SOX5: variants seen among roughly 807,000 people sequenced by gnomAD.
The protein encoded by SOX5 is transcription factor SOX-5.
SOX5 carries 9 observed loss-of-function variants against 92.0 expected under a neutral mutation model. The observed-to-expected ratio is 0.10, with a 90% confidence interval of 0.06 to 0.17. SOX5 has a LOEUF of 0.17. SOX5 is among the 10% of genes least tolerant of loss of function. SOX5 has a pLI of 1.00. For missense variants in SOX5, 642 were observed against 944.5 expected (o/e 0.68, Z 4.20); for synonymous variants, 344 against 336.3 (o/e 1.02, Z -0.25).
intron 4 of SOX5, among the ~76,000 whole-genome samples, chr12:23,959,329 T>C (rs920198738): frequency 2.0e-5 from 3 of 151,898 alleles, no homozygotes; most frequent in African/African-American, 7.2e-5. Flanking sequence ...ATAAAAAGAA[T>C]ATAGAGAAAA....
chr12:23,740,796 G>A lies in SOX5; in HGVS notation c.741+71C>T, dbSNP rs560215566. On this transcript the variant is annotated intron_variant, in intron 5 of 14. Coordinates refer to ENST00000451604, the MANE Select transcript of SOX5 (RefSeq NM_006940.6). Reference sequence around the variant, plus strand: ...ACTCTTATTCATTGTTGTGTGCCTAGGACAGTGACCTATAAGTAGCAGGCA... The same window carrying A: ...ACTCTTATTCATTGTTGTGTGCCTAAGACAGTGACCTATAAGTAGCAGGCA... 7.1e-5 allele frequency: 92 copies of A among 1,295,620 alleles called. 3 individuals are homozygous for A. The South Asian group carries it at 1.0e-3, about 14-fold the overall frequency. The allele number at this position is 1,295,620 out of a possible 1,614,324, so 80.3% of individuals were successfully genotyped here.
chr12:24,172,153 A>G (rs959718727), intron 4 of SOX5, among the ~76,000 whole-genome samples: 1 of 152,074 alleles, frequency 6.6e-6, no homozygotes, highest in African/African-American at 2.4e-5. Context: ...GTAGTGACAA[A>G]TTCCGTAAAC....
At chr12:24,493,427 T>C (rs1947291683) in intron 1 of SOX5, among the ~76,000 whole-genome samples, 1 of 152,186 alleles carries the variant, frequency 6.6e-6, no homozygotes, top group Non-Finnish European at 1.5e-5. Flanking sequence ...TTAATACTAA[T>C]GTATTAAAAC....
chr12:24,453,693 G>C (rs1279439690), intron 1 of SOX5, among the ~76,000 whole-genome samples: 1 of 152,162 alleles, frequency 6.6e-6, no homozygotes, highest in Non-Finnish European at 1.5e-5. Flanking sequence ...CCTACATCCA[G>C]CAGCTAGGAA....
At chr12:24,423,366 T>C (rs1596481747) in intron 1 of SOX5, among the ~76,000 whole-genome samples, 1 of 152,232 alleles carries the variant, frequency 6.6e-6, no homozygotes, top group Non-Finnish European at 1.5e-5. Context: ...ATGAAATTTG[T>C]CTTTTGTGAT....
At chr12:24,082,130 C>A (rs1436036287) in intron 4 of SOX5, among the ~76,000 whole-genome samples, 2 of 151,756 alleles carry the variant, frequency 1.3e-5, no homozygotes, top group Non-Finnish European at 2.9e-5. Context: ...AGACTAAATG[C>A]AGAATTAAAT....
At chr12:24,204,675 C>T (rs766349999) in intron 4 of SOX5, among the ~76,000 whole-genome samples, 14 of 152,160 alleles carry the variant, frequency 9.2e-5, no homozygotes, top group Admixed American at 4.6e-4. Context: ...GGATTAATTC[C>T]GAAAAGTGGC....
chr12:24,530,527 C>T (rs1424519444), intron 1 of SOX5, among the ~76,000 whole-genome samples: 1 of 152,142 alleles, frequency 6.6e-6, no homozygotes, highest in East Asian at 1.9e-4. Context: ...CTGGCGTGCA[C>T]CTGTAGTCCC....
intron 3 of SOX5, among the ~76,000 whole-genome samples, chr12:23,822,697 C>T (rs946878361): frequency 5.3e-5 from 8 of 152,108 alleles, no homozygotes; most frequent in Admixed American, 3.9e-4. Flanking sequence ...TCTTGTTGAT[C>T]TAATATTGAC....
chr12:24,214,881 G>C (rs1959044435), intron 3 of SOX5, among the ~76,000 whole-genome samples: 1 of 151,856 alleles, frequency 6.6e-6, no homozygotes, highest in Non-Finnish European at 1.5e-5. Flanking sequence ...TCATTTTAGA[G>C]TACATAAAAT....
At chr12:23,684,260 C>T (rs1332572368) in intron 6 of SOX5, among the ~76,000 whole-genome samples, 2 of 152,002 alleles carry the variant, frequency 1.3e-5, no homozygotes, top group Non-Finnish European at 1.5e-5. Flanking sequence ...TGGCCAGCAA[C>T]ATAAATGCTA....
chr12:24,536,025 G>A (rs1951613341), intron 1 of SOX5, among the ~76,000 whole-genome samples: 1 of 152,028 alleles, frequency 6.6e-6, no homozygotes, highest in South Asian at 2.1e-4. Context: ...ACCTAAATTA[G>A]GCCTCTGGAA....
At chr12:24,161,758 G>A (rs1335968459) in intron 4 of SOX5, among the ~76,000 whole-genome samples, 1 of 152,016 alleles carries the variant, frequency 6.6e-6, no homozygotes, top group African/African-American at 2.4e-5. Context: ...TTAATACACA[G>A]TTGTTAGTGA....
intron 2 of SOX5, among the ~76,000 whole-genome samples, chr12:24,354,547 G>A (rs1274430972): frequency 6.6e-6 from 1 of 152,268 alleles, no homozygotes; most frequent in Non-Finnish European, 1.5e-5. Flanking sequence ...CAGAGCAGCT[G>A]CTTGGAAAGA....
At chr12:23,854,844 C>T (rs1405474799) in intron 2 of SOX5, among the ~76,000 whole-genome samples, 2 of 151,980 alleles carry the variant, frequency 1.3e-5, no homozygotes, top group African/African-American at 2.4e-5. Flanking sequence ...GCATCTAATA[C>T]CTCACTGGGT....
At chr12:23,804,927 A>ATATATATC (rs1269318151) in intron 3 of SOX5, among the ~76,000 whole-genome samples, 1 of 12,882 alleles carries the variant, frequency 7.8e-5, no homozygotes, top group African/African-American at 2.4e-4. Flanking sequence ...ATATATATAT[A>ATATATATC]TATATATATA....
At chr12:23,871,949 C>T (rs987861028) in intron 2 of SOX5, among the ~76,000 whole-genome samples, 2 of 151,206 alleles carry the variant, frequency 1.3e-5, no homozygotes, top group African/African-American at 4.8e-5. Flanking sequence ...AGTACAACAT[C>T]TTTGCAAAGC....
At chr12:24,347,702 A>G (rs1034042823) in intron 2 of SOX5, among the ~76,000 whole-genome samples, 10 of 152,228 alleles carry the variant, frequency 6.6e-5, no homozygotes, top group African/African-American at 2.4e-4. Context: ...GACAGCTGCC[A>G]CTTTGACAAA....
chr12:24,304,777 C>T (rs6487384), intron 2 of SOX5, among the ~76,000 whole-genome samples: 131,646 of 152,164 alleles, frequency 0.87, 57,360 homozygotes, highest in East Asian at 0.98. Context: ...ATTCCTTCTC[C>T]TTGTTAGCAC....
Sources: allele counts gnomAD v4.1 joint callset (sites outside exome capture counted in the v4.1 genomes callset), GRCh38; gene constraint gnomAD v4.1.1; transcripts MANE v1.5; gene names NCBI Gene and HGNC (gene_info 2026-07-23, HGNC 2026-07-21).